The following PPFIA2 variants were observed in gnomAD, a reference collection of about 807,000 sequenced individuals.
PPFIA2 encodes liprin-alpha-2.
PPFIA2 carries 46 observed loss-of-function variants against 175.5 expected under a neutral mutation model. That is an observed-to-expected ratio of 0.26 (90% CI 0.21 to 0.34). The LOEUF (loss-of-function observed/expected upper bound fraction) is 0.34. PPFIA2 is among the 10% of genes least tolerant of loss of function. The probability of loss-of-function intolerance (pLI) is 1.00; values close to 1 mark genes in which losing one functional copy is unlikely to be tolerated. For missense variants in PPFIA2, 1,179 were observed against 1,506.1 expected (o/e 0.78, Z 3.60); for synonymous variants, 568 against 511.4 (o/e 1.11, Z -1.49).
intron 21 of PPFIA2, among the ~76,000 whole-genome samples, chr12:81,333,702 C>A (rs1313215816): frequency 6.6e-6 from 1 of 152,038 alleles, no homozygotes; most frequent in Non-Finnish European, 1.5e-5. Flanking sequence ...TACATCCATT[C>A]TTTCTATTTT....
chr12:81,414,795 G>A (rs2044635001), intron 7 of PPFIA2, among the ~76,000 whole-genome samples: 1 of 151,188 alleles, frequency 6.6e-6, no homozygotes, highest in Non-Finnish European at 1.5e-5. Flanking sequence ...AAAACAGTAG[G>A]GATTTACAAT....
intron 3 of PPFIA2, among the ~76,000 whole-genome samples, chr12:81,701,880 C>A (rs2076522629): frequency 2.1e-5 from 3 of 141,456 alleles, no homozygotes; most frequent in Admixed American, 7.2e-5. Context: ...TTTAAATCAA[C>A]CCATAAGAGT....
intron 22 of PPFIA2, among the ~76,000 whole-genome samples, chr12:81,321,996 T>C (rs1207825933): frequency 1.3e-5 from 2 of 152,114 alleles, no homozygotes; most frequent in African/African-American, 4.8e-5. Context: ...ATCATGTCTG[T>C]CTAATGTATT....
At chr12:81,588,924 T>A (rs960299295) in intron 4 of PPFIA2, among the ~76,000 whole-genome samples, 1 of 152,014 alleles carries the variant, frequency 6.6e-6, no homozygotes, top group Non-Finnish European at 1.5e-5. Flanking sequence ...CCCCTCCAGA[T>A]GATACCTGAA....
intron 3 of PPFIA2, among the ~76,000 whole-genome samples, chr12:81,717,614 C>T (rs2400974): frequency 0.2 from 30,873 of 151,432 alleles, 3,885 homozygotes; most frequent in East Asian, 0.32. Context: ...ATAGTTAGGG[C>T]CTTCAAAACT....
intron 4 of PPFIA2, among the ~76,000 whole-genome samples, chr12:81,624,729 G>A (rs572583265): frequency 6.6e-6 from 1 of 150,422 alleles, no homozygotes; most frequent in African/African-American, 2.4e-5. Flanking sequence ...ACACAAGAGT[G>A]GAAAACCAAA....
chr12:81,675,558 T>C (rs910261367), intron 4 of PPFIA2: 1 of 152,024 alleles, frequency 6.6e-6, no homozygotes, highest in Non-Finnish European at 1.5e-5. Context: ...TCTCTAACTG[T>C]AGAATTCTTC....
intron 4 of PPFIA2, among the ~76,000 whole-genome samples, chr12:81,658,517 CATCT>C (rs1440515854): frequency 6.6e-6 from 1 of 151,868 alleles, no homozygotes; most frequent in Non-Finnish European, 1.5e-5. Flanking sequence ...TCCAGAAAAA[CATCT>C]ATCTTTGATA....
chr12:81,747,914 A>C (rs1350350679), intron 3 of PPFIA2, among the ~76,000 whole-genome samples: 1 of 144,474 alleles, frequency 6.9e-6, no homozygotes, highest in Non-Finnish European at 1.6e-5. Context: ...TTATACATAT[A>C]AAAACCTGGT....
intron 4 of PPFIA2, among the ~76,000 whole-genome samples, chr12:81,484,093 C>T (rs1157427528): frequency 6.6e-6 from 1 of 151,950 alleles, no homozygotes; most frequent in Admixed American, 6.6e-5. Context: ...GGGCGAAGGT[C>T]ATTTCCTTAT....
intron 4 of PPFIA2, among the ~76,000 whole-genome samples, chr12:81,488,508 A>G (rs770439493): frequency 1.2e-4 from 18 of 151,684 alleles, no homozygotes; most frequent in Non-Finnish European, 2.5e-4. Flanking sequence ...ATCCATTATC[A>G]TGGCACCTGA....
chr12:81,432,880 T>C (rs1214175495), intron 7 of PPFIA2, among the ~76,000 whole-genome samples: 1 of 152,162 alleles, frequency 6.6e-6, no homozygotes, highest in Non-Finnish European at 1.5e-5. Flanking sequence ...AATCACATAT[T>C]ATATTATTAT....
chr12:81,678,713 A>G (rs1428038846), intron 3 of PPFIA2, among the ~76,000 whole-genome samples: 1 of 151,944 alleles, frequency 6.6e-6, no homozygotes, highest in Non-Finnish European at 1.5e-5. Context: ...TTAAGGCAAT[A>G]TAGAATCTGA....
intron 9 of PPFIA2, among the ~76,000 whole-genome samples, chr12:81,379,733 C>T (rs1436172866): frequency 6.6e-6 from 1 of 151,978 alleles, no homozygotes; most frequent in African/African-American, 2.4e-5. Context: ...TGTTTGAAGA[C>T]AAAATGTAAA....
At chr12:81,570,971 T>C (rs1217144754) in intron 4 of PPFIA2, among the ~76,000 whole-genome samples, 1 of 151,970 alleles carries the variant, frequency 6.6e-6, no homozygotes, top group Non-Finnish European at 1.5e-5. Flanking sequence ...TATGGTCATA[T>C]TTAATTGCAT....
chr12:81,724,780 G>A (rs946567230), intron 3 of PPFIA2, among the ~76,000 whole-genome samples: 5 of 150,936 alleles, frequency 3.3e-5, no homozygotes, highest in Non-Finnish European at 7.4e-5. Flanking sequence ...GAATAGTGCT[G>A]CAATAAACAT....
chr12:81,739,071 TAGC>T (rs2082011259), intron 3 of PPFIA2, among the ~76,000 whole-genome samples: 1 of 151,900 alleles, frequency 6.6e-6, no homozygotes, highest in South Asian at 2.1e-4. Flanking sequence ...ATAAAACTGA[TAGC>T]AGCCTCAAAA....
rs151157116 is a variant in PPFIA2 at position 81,428,898 on chromosome 12, G to T, written c.645+11074C>A. On this transcript the variant is annotated intron_variant, in intron 7 of 32. Coordinates refer to ENST00000549396, the MANE Select transcript of PPFIA2 (RefSeq NM_003625.5). The stretch of plus-strand genomic sequence containing the variant: ...TTTGCATTATCTTTAAGGAATATAA[G>T]TTCAGAGCTCCAAGGGTGTCACTGT... Among the ~76,000 whole-genome samples, 19 of 152,132 alleles carry T rather than the reference G, an allele frequency of 1.2e-4. No individual in the cohort carries two copies. In the East Asian group the frequency reaches 3.7e-3, roughly 29 times the overall value.
At chr12:81,552,278 AAAGT>A (rs1181022277) in intron 4 of PPFIA2, among the ~76,000 whole-genome samples, 2 of 151,848 alleles carry the variant, frequency 1.3e-5, no homozygotes, top group Non-Finnish European at 2.9e-5. Context: ...GCAGGAGGAG[AAAGT>A]AAGAAAACCT....
Sources: gnomAD v4.1 joint callset for allele counts (sites outside exome capture counted in the v4.1 genomes callset) on GRCh38, gnomAD v4.1.1 for gene constraint, MANE v1.5 for transcripts, NCBI Gene and HGNC (gene_info 2026-07-23, HGNC 2026-07-21) for gene names.